The following KAZN variants were observed in gnomAD, a reference collection of about 807,000 sequenced individuals.
KAZN encodes kazrin.
A neutral mutation model predicts 87.4 loss-of-function variants in KAZN; 40 were observed. The observed-to-expected ratio is 0.46, with a 90% confidence interval of 0.36 to 0.60. The LOEUF is 0.60. Ranked by LOEUF, KAZN falls within the 20% of genes least tolerant of loss-of-function variation. KAZN has a pLI of 0.00. For missense variants in KAZN, 898 were observed against 1,073.9 expected (o/e 0.84, Z 2.29); for synonymous variants, 466 against 458.3 (o/e 1.02, Z -0.22).
chr1:14,668,202 C>G (rs1022511103), intron 1 of KAZN, among the ~76,000 whole-genome samples: 1 of 152,148 alleles, frequency 6.6e-6, no homozygotes, highest in Non-Finnish European at 1.5e-5. Flanking sequence ...ATGTAATTTC[C>G]TTTCTTGCAA....
intron 2 of KAZN, among the ~76,000 whole-genome samples, chr1:14,454,503 T>C (rs1025421323): frequency 1.3e-5 from 2 of 152,236 alleles, no homozygotes; most frequent in Non-Finnish European, 2.9e-5. Context: ...TCTGGAACTT[T>C]CCATCCTGCA....
At chr1:14,371,993 AG>A (rs2101019088) in intron 2 of KAZN, among the ~76,000 whole-genome samples, 1 of 152,376 alleles carries the variant, frequency 6.6e-6, no homozygotes, top group East Asian at 1.9e-4. Context: ...TTCTGCAAAA[AG>A]AAGAATCACT....
chr1:14,202,742 G>A (rs903001612), intron 2 of KAZN, among the ~76,000 whole-genome samples: 1 of 152,116 alleles, frequency 6.6e-6, no homozygotes, highest in Admixed American at 6.5e-5. Flanking sequence ...CCCTATTGAA[G>A]CAATAACCAT....
At chr1:14,907,073 G>A (rs1336836000) in intron 1 of KAZN, among the ~76,000 whole-genome samples, 1 of 151,614 alleles carries the variant, frequency 6.6e-6, no homozygotes, top group Non-Finnish European at 1.5e-5. Context: ...TATTAGAAGT[G>A]CAAGTGCACT....
chr1:13,943,550 A>C (rs954904719), intron 1 of KAZN, among the ~76,000 whole-genome samples: 1 of 152,164 alleles, frequency 6.6e-6, no homozygotes, highest in Admixed American at 6.5e-5. Flanking sequence ...AAAAAGAAAA[A>C]AAATCTAGAG....
chr1:15,112,398 C>A, intron 13 of KAZN, 29 bp from the exon 14 acceptor site: 1 of 1,379,812 alleles, frequency 7.2e-7, no homozygotes, highest in South Asian at 1.2e-5. Flanking sequence ...TGAGCCTCCC[C>A]TGCTGACTCA....
At chr1:14,363,982 T>A (rs1208070934) in intron 2 of KAZN, among the ~76,000 whole-genome samples, 2 of 149,666 alleles carry the variant, frequency 1.3e-5, no homozygotes, top group African/African-American at 2.6e-5. Context: ...TTTTTTTTTT[T>A]TTAATTTGGA....
chr1:14,080,213 G>C (rs1040967535), intron 1 of KAZN, among the ~76,000 whole-genome samples: 3 of 100,178 alleles, frequency 3.0e-5, no homozygotes, highest in Admixed American at 1.9e-4. Flanking sequence ...ATGTTCATTG[G>C]AAATACCCAA....
chr1:14,879,537 A>G (rs1037743451), intron 1 of KAZN, among the ~76,000 whole-genome samples: 2 of 152,166 alleles, frequency 1.3e-5, no homozygotes, highest in South Asian at 4.1e-4. Context: ...TGATCTGTCA[A>G]TATCACAATC....
chr1:14,263,783 G>A (rs1313569743), intron 2 of KAZN, among the ~76,000 whole-genome samples: 10 of 152,192 alleles, frequency 6.6e-5, no homozygotes, highest in Admixed American at 2.6e-4. Context: ...TTAAGGACAC[G>A]CAGTGAACAG....
intron 2 of KAZN, among the ~76,000 whole-genome samples, chr1:14,402,329 CAT>C (rs1663486037): frequency 6.6e-6 from 1 of 151,850 alleles, no homozygotes; most frequent in South Asian, 2.1e-4. Flanking sequence ...TGATAACACT[CAT>C]TGAGTTCTTA....
intron 2 of KAZN, among the ~76,000 whole-genome samples, chr1:14,351,485 G>C (rs1301659022): frequency 6.6e-6 from 1 of 152,194 alleles, no homozygotes; most frequent in Non-Finnish European, 1.5e-5. Context: ...CTTGAACCCG[G>C]GAGGAGGAGG....
intron 2 of KAZN, among the ~76,000 whole-genome samples, chr1:14,434,182 G>A (rs1666245995): frequency 6.6e-6 from 1 of 152,094 alleles, no homozygotes; most frequent in East Asian, 1.9e-4. Context: ...TTATTCTCCT[G>A]TTCACAGGCA....
At position 14,843,951 on chromosome 1, in the gene KAZN, G is replaced by T. The variant is rs1201989266; in HGVS notation, c.227-116733G>T. Among the ~76,000 whole-genome samples the T allele has an allele frequency of 3.9e-5, 6 of 152,172 alleles. No individual in the cohort carries two copies. The East Asian group carries it at 1.2e-3, about 29-fold the overall frequency. ...TTGCAACATTGCCAATGCTTGGAAC[G>T]ATTTCTTCCTGCAGAGGACAGCGTG... On this transcript the variant is annotated intron_variant, in intron 1 of 14. Coordinates refer to ENST00000376030, the MANE Select transcript of KAZN (RefSeq NM_201628.3).
At chr1:14,212,797 C>T (rs983830482) in intron 2 of KAZN, among the ~76,000 whole-genome samples, 7 of 152,152 alleles carry the variant, frequency 4.6e-5, no homozygotes, top group Admixed American at 1.3e-4. Flanking sequence ...TGAATCTTGT[C>T]CTCAAAAGCT....
intron 2 of KAZN, among the ~76,000 whole-genome samples, chr1:14,566,266 C>G (rs991067493): frequency 1.3e-5 from 2 of 152,184 alleles, no homozygotes; most frequent in Non-Finnish European, 2.9e-5. Flanking sequence ...TAGTTAGGTG[C>G]CTTGTCAACG....
chr1:14,823,122 C>A (rs1228323453), intron 1 of KAZN, among the ~76,000 whole-genome samples: 2 of 152,202 alleles, frequency 1.3e-5, no homozygotes, highest in African/African-American at 4.8e-5. Context: ...TGTAGAGCAG[C>A]CTTCTGGGCA....
In KAZN at chr1:14,404,610, C is replaced by G. The variant is rs918541125; in HGVS notation, c.250-194373C>G. Among the ~76,000 whole-genome samples, 3 of 152,104 alleles carry G rather than the reference C, an allele frequency of 2.0e-5. No individual in the cohort carries two copies. In the East Asian group the frequency reaches 5.8e-4, roughly 29 times the overall value. The stretch of plus-strand genomic sequence containing the variant: ...ATGCATGAAGATGTTCACTGCAGCA[C>G]TGTTTACTCTGGGAAAGAAAAACTT... On this transcript the variant is annotated intron_variant, in intron 2 of 16. Coordinates refer to the KAZN transcript ENST00000636203.
intron 13 of KAZN, among the ~76,000 whole-genome samples, chr1:15,110,728 A>G (rs1318774966): frequency 1.3e-5 from 2 of 152,246 alleles, no homozygotes; most frequent in African/African-American, 4.8e-5. Flanking sequence ...TAAATCCCAA[A>G]GTGGGAAGGC....
Sources: allele counts gnomAD v4.1 joint callset (sites outside exome capture counted in the v4.1 genomes callset), GRCh38; gene constraint gnomAD v4.1.1; transcripts MANE v1.5; gene names NCBI Gene and HGNC (gene_info 2026-07-23, HGNC 2026-07-21).